The following PHLPP1 variants were observed in gnomAD, a reference collection of about 807,000 sequenced individuals.
PHLPP1 encodes PH domain and leucine rich repeat protein phosphatase 1.
In PHLPP1, 42 loss-of-function variants were observed where a neutral mutation model predicts 117.2. That is an observed-to-expected ratio of 0.36 (90% CI 0.28 to 0.46). The LOEUF is 0.46. Among genes scored for constraint, PHLPP1 ranks in the 20% least tolerant of loss-of-function variants. The pLI, the probability that PHLPP1 is intolerant of heterozygous loss-of-function variation, is 1.00. For missense variants in PHLPP1, 2,084 were observed against 2,241.9 expected (o/e 0.93, Z 1.42); for synonymous variants, 1,042 against 970.7 (o/e 1.07, Z -1.37).
chr18:62,833,999 T>C (rs1323054165), intron 2 of PHLPP1, among the ~76,000 whole-genome samples: 1 of 152,162 alleles, frequency 6.6e-6, no homozygotes, highest in East Asian at 1.9e-4. Context: ...TATCAGTTAA[T>C]ATAAGCATAA....
chr18:62,799,790 C>T (rs1199677968), intron 1 of PHLPP1, among the ~76,000 whole-genome samples: 1 of 152,118 alleles, frequency 6.6e-6, no homozygotes, highest in Non-Finnish European at 1.5e-5. Flanking sequence ...TGTTTATTTG[C>T]TTGGGCCTTA....
At chr18:62,886,930 A>G (rs1916300870) in intron 4 of PHLPP1, among the ~76,000 whole-genome samples, 1 of 152,198 alleles carries the variant, frequency 6.6e-6, no homozygotes, top group African/African-American at 2.4e-5. Context: ...TTTAAAACAT[A>G]CTGCTTGTCC....
intron 9 of PHLPP1, among the ~76,000 whole-genome samples, chr18:62,916,163 G>A (rs1161109415): frequency 6.6e-6 from 1 of 151,998 alleles, no homozygotes; most frequent in East Asian, 1.9e-4. Flanking sequence ...CCAGCCATTA[G>A]CCAAGTGACT....
intron 1 of PHLPP1, among the ~76,000 whole-genome samples, chr18:62,792,325 T>G (rs187017424): frequency 2.2e-4 from 33 of 152,346 alleles, no homozygotes; most frequent in Admixed American, 2.2e-3. Context: ...TGCTGTCTCA[T>G]TTGTGTTCTA....
At chr18:62,951,098 C>T (rs568238305) in intron 12 of PHLPP1, among the ~76,000 whole-genome samples, 32 of 152,196 alleles carry the variant, frequency 2.1e-4, no homozygotes, top group Admixed American at 1.5e-3. Context: ...TCTCCCACCT[C>T]AGCCTCCCAA....
intron 12 of PHLPP1, among the ~76,000 whole-genome samples, chr18:62,947,909 C>A (rs1910346911): frequency 6.6e-6 from 1 of 152,008 alleles, no homozygotes; most frequent in Non-Finnish European, 1.5e-5. Context: ...ACCTGTAATC[C>A]CAGCTATCCA....
At chr18:62,743,426 T>G (rs1911587433) in intron 1 of PHLPP1, among the ~76,000 whole-genome samples, 1 of 152,156 alleles carries the variant, frequency 6.6e-6, no homozygotes, top group South Asian at 2.1e-4. Context: ...CAGTCTTACT[T>G]TATCTCGAAT....
chr18:62,956,390 A>T (rs1910610740), intron 12 of PHLPP1, among the ~76,000 whole-genome samples: 1 of 152,206 alleles, frequency 6.6e-6, no homozygotes, highest in South Asian at 2.1e-4. Flanking sequence ...CAAAGCCCTT[A>T]TGACCTCATC....
At chr18:62,748,928 G>C (rs1911759873) in intron 1 of PHLPP1, among the ~76,000 whole-genome samples, 1 of 151,724 alleles carries the variant, frequency 6.6e-6, no homozygotes, top group Non-Finnish European at 1.5e-5. Context: ...CATTCTTCTG[G>C]AAGTTTTATA....
At chr18:62,851,435 G>T (rs954506135) in intron 3 of PHLPP1, among the ~76,000 whole-genome samples, 4 of 152,044 alleles carry the variant, frequency 2.6e-5, no homozygotes, top group African/African-American at 9.7e-5. Flanking sequence ...ACATGCTCTT[G>T]CCCTCAACAG....
rs759051472 is a variant in PHLPP1, at chr18:62,895,010, G to A, written c.2067-1G>A. 6.2e-7 allele frequency: 1 copy of A among 1,600,286 alleles called. No homozygotes were observed. Among genetic ancestry groups the A allele is most frequent in the South Asian group, 1.1e-5 (1 of 89,426 alleles). On this transcript the variant is annotated splice_acceptor_variant, in intron 4 of 16. Coordinates refer to ENST00000262719, the MANE Select transcript of PHLPP1 (RefSeq NM_194449.4). LOFTEE classifies it high-confidence loss of function. Reference sequence around the variant, plus strand: ...CCTTTTGTTTTGCTTTATTGTAATAGGTTCACCAAGTTGAAGAGTCTTAAC... The same window carrying A: ...CCTTTTGTTTTGCTTTATTGTAATAAGTTCACCAAGTTGAAGAGTCTTAAC...
chr18:62,823,358 A>T lies in PHLPP1; in HGVS notation c.1577-6677A>T, dbSNP rs543058456. Reference sequence around the variant, plus strand: ...GTGGAAGCATTGTTTGAGTGCAGGAATTCGAGACCAGCTTGGGCAACATAG... The same window carrying T: ...GTGGAAGCATTGTTTGAGTGCAGGATTTCGAGACCAGCTTGGGCAACATAG... On this transcript the variant is annotated intron_variant, in intron 1 of 16. Transcript: ENST00000262719. Among the ~76,000 whole-genome samples, 8 of 152,062 alleles carry T rather than the reference A, an allele frequency of 5.3e-5. No homozygotes were observed. The South Asian group carries it at 1.7e-3, about 32-fold the overall frequency.
intron 1 of PHLPP1, among the ~76,000 whole-genome samples, chr18:62,747,507 C>A: frequency 6.6e-6 from 1 of 151,560 alleles, no homozygotes; most frequent in East Asian, 1.9e-4. Context: ...TCCCACCTTC[C>A]CTCCTCTCCC....
At chr18:62,736,065 G>A (rs927397179) in intron 1 of PHLPP1, among the ~76,000 whole-genome samples, 9 of 152,188 alleles carry the variant, frequency 5.9e-5, no homozygotes, top group Admixed American at 3.3e-4. Flanking sequence ...TCTTTGCACC[G>A]AAAGGGGGCA....
chr18:62,920,927 T>G (rs1909448833), intron 10 of PHLPP1, among the ~76,000 whole-genome samples: 1 of 152,258 alleles, frequency 6.6e-6, no homozygotes, highest in Non-Finnish European at 1.5e-5. Flanking sequence ...TTCAATTATT[T>G]TGTTTTGAAC....
At chr18:62,848,755 C>T (rs895252284) in intron 3 of PHLPP1, among the ~76,000 whole-genome samples, 11 of 152,082 alleles carry the variant, frequency 7.2e-5, no homozygotes, top group African/African-American at 1.7e-4. Flanking sequence ...CAAGCTACTG[C>T]GCCCAGCCTG....
chr18:62,758,930 G>C (rs1226301447), intron 1 of PHLPP1, among the ~76,000 whole-genome samples: 1 of 152,172 alleles, frequency 6.6e-6, no homozygotes, highest in Non-Finnish European at 1.5e-5. Flanking sequence ...TAAGGAAAAA[G>C]GAAAATTTTG....
intron 1 of PHLPP1, among the ~76,000 whole-genome samples, chr18:62,749,496 C>G (rs1406867128): frequency 6.6e-6 from 1 of 152,182 alleles, no homozygotes; most frequent in Non-Finnish European, 1.5e-5. Flanking sequence ...TTATTCTGCT[C>G]AGGTTGTGAT....
intron 1 of PHLPP1, among the ~76,000 whole-genome samples, chr18:62,808,706 C>A (rs1014982974): frequency 6.6e-6 from 1 of 152,092 alleles, no homozygotes. Flanking sequence ...CATGCGCCAC[C>A]AAGCCCGGCT....
Sources: gnomAD v4.1 joint callset for allele counts (sites outside exome capture counted in the v4.1 genomes callset) on GRCh38, gnomAD v4.1.1 for gene constraint, MANE v1.5 for transcripts, NCBI Gene and HGNC (gene_info 2026-07-23, HGNC 2026-07-21) for gene names.